MTHFD2L: variants seen among roughly 807,000 people sequenced by gnomAD.
The protein encoded by MTHFD2L is methylenetetrahydrofolate dehydrogenase (NADP+ dependent) 2 like.
In MTHFD2L, 29 loss-of-function variants were observed where a neutral mutation model predicts 34.9. That is an observed-to-expected ratio of 0.83 (90% CI 0.62 to 1.13). The LOEUF (loss-of-function observed/expected upper bound fraction) is 1.13. Ranked by LOEUF, MTHFD2L falls within the 50% of genes most tolerant of loss-of-function variation. MTHFD2L has a pLI of 0.00. For missense variants in MTHFD2L, 481 were observed against 446.5 expected (o/e 1.08, Z -0.70); for synonymous variants, 167 against 155.7 (o/e 1.07, Z -0.54).
intron 1 of MTHFD2L, among the ~76,000 whole-genome samples, chr4:74,153,109 A>C (rs1385655439): frequency 6.6e-6 from 1 of 152,112 alleles, no homozygotes; most frequent in African/African-American, 2.4e-5. Context: ...TTATCTTATG[A>C]ATGGGCTTCT....
intron 6 of MTHFD2L, among the ~76,000 whole-genome samples, chr4:74,230,205 A>G (rs1273558601): frequency 3.3e-5 from 5 of 152,228 alleles, no homozygotes; most frequent in Non-Finnish European, 7.3e-5. Flanking sequence ...CTAAAGCAAT[A>G]AAAAGTGAAA....
chr4:74,268,076 G>A, intron 6 of MTHFD2L: 2 of 985,010 alleles, frequency 2.0e-6, no homozygotes, highest in Non-Finnish European at 2.4e-6. Context: ...AAAAGAAAAA[G>A]AACAGGAAAT....
chr4:74,196,945 CA>C (rs571646612), intron 3 of MTHFD2L, among the ~76,000 whole-genome samples: 2,168 of 59,390 alleles, frequency 0.037, 9 homozygotes, highest in South Asian at 0.094. Context: ...GACTCTGTCT[CA>C]AAAAAAAAAA....
intron 6 of MTHFD2L, among the ~76,000 whole-genome samples, chr4:74,239,490 T>A (rs1246581): frequency 0.93 from 140,110 of 149,982 alleles, 65,751 homozygotes; most frequent in Non-Finnish European, 0.98. Flanking sequence ...AGTATAATTT[T>A]AAAAAAAAAA....
chr4:74,264,513 A>T (rs541886706), intron 6 of MTHFD2L, among the ~76,000 whole-genome samples: 6 of 151,844 alleles, frequency 4.0e-5, no homozygotes, highest in Non-Finnish European at 7.4e-5. Flanking sequence ...TATATATTAT[A>T]TTTCATGGAT....
At chr4:74,219,601 T>C (rs1309317977) in intron 5 of MTHFD2L, among the ~76,000 whole-genome samples, 1 of 152,074 alleles carries the variant, frequency 6.6e-6, no homozygotes, top group Non-Finnish European at 1.5e-5. Flanking sequence ...ATGAGTTAAA[T>C]AAGAATAGGT....
At chr4:74,237,101 T>G (rs1351626411) in intron 6 of MTHFD2L, among the ~76,000 whole-genome samples, 1 of 152,026 alleles carries the variant, frequency 6.6e-6, no homozygotes, top group Admixed American at 6.6e-5. Context: ...AATCATATTG[T>G]GAAGTATAAC....
chr4:74,242,543 C>T (rs1560523424), intron 6 of MTHFD2L, among the ~76,000 whole-genome samples: 1 of 152,104 alleles, frequency 6.6e-6, no homozygotes, highest in Non-Finnish European at 1.5e-5. Flanking sequence ...AAAGTTGAGG[C>T]TTAAAGTGAA....
chr4:74,278,717 C>T (rs767562990), intron 6 of MTHFD2L, among the ~76,000 whole-genome samples: 1 of 151,964 alleles, frequency 6.6e-6, no homozygotes, highest in African/African-American at 2.4e-5. Context: ...ATGGCCATGA[C>T]GTGGTTCCAA....
At chr4:74,212,115 G>T (rs1030449638) in intron 5 of MTHFD2L, among the ~76,000 whole-genome samples, 21 of 151,496 alleles carry the variant, frequency 1.4e-4, no homozygotes, top group Admixed American at 1.2e-3. Flanking sequence ...AATTTATTTT[G>T]TTAATCTTAA....
At chr4:74,204,096 T>C (rs1734909218) in intron 5 of MTHFD2L, among the ~76,000 whole-genome samples, 1 of 152,140 alleles carries the variant, frequency 6.6e-6, no homozygotes, top group Admixed American at 6.6e-5. Flanking sequence ...TCTAAGGCCA[T>C]GCAAGGAAAC....
At chr4:74,237,212 G>A (rs549886908) in intron 6 of MTHFD2L, among the ~76,000 whole-genome samples, 1 of 152,276 alleles carries the variant, frequency 6.6e-6, no homozygotes, top group South Asian at 2.1e-4. Flanking sequence ...GGACAGCACT[G>A]GAGTGAAATC....
At position 74,302,298 on chromosome 4, in the gene MTHFD2L, T is replaced by A. The variant is rs1750416886; in HGVS notation, c.*489T>A. 6.6e-6 allele frequency: 1 copy of A among 152,108 alleles called. No individual in the cohort carries two copies. Among genetic ancestry groups the A allele is most frequent in the African/African-American group, 2.4e-5 (1 of 41,438 alleles). 9.4% of individuals were successfully genotyped at this position (152,108 alleles called of 1,614,324 possible). A position where few individuals can be genotyped will look rare whatever the true frequency, so the allele number is the denominator to read the frequency against. ...AAAAATATTGAAATATTGAAAATAT[T>A]GAAAATATTATTATTGAAAATAAAA... On this transcript the variant is annotated 3_prime_UTR_variant, in exon 8 of 8. Transcript: ENST00000325278.
intron 7 of MTHFD2L, among the ~76,000 whole-genome samples, chr4:74,284,480 T>C (rs1437375906): frequency 3.9e-5 from 6 of 152,146 alleles, no homozygotes; most frequent in Non-Finnish European, 8.8e-5. Flanking sequence ...AATGTCTTCT[T>C]TTGAGAAGTG....
chr4:74,232,159 A>G (rs951216139), intron 6 of MTHFD2L, among the ~76,000 whole-genome samples: 5 of 152,220 alleles, frequency 3.3e-5, no homozygotes, highest in African/African-American at 1.2e-4. Context: ...ATCAGAGTAG[A>G]GTAGTTCTTA....
chr4:74,222,618 C>A (rs1738404542), intron 5 of MTHFD2L, among the ~76,000 whole-genome samples: 1 of 152,078 alleles, frequency 6.6e-6, no homozygotes, highest in Non-Finnish European at 1.5e-5. Context: ...CCCCAATCCT[C>A]ACACTTTTTT....
At chr4:74,196,101 C>T (rs948366780) in intron 3 of MTHFD2L, among the ~76,000 whole-genome samples, 3 of 151,976 alleles carry the variant, frequency 2.0e-5, no homozygotes, top group African/African-American at 7.3e-5. Flanking sequence ...TCCTAAAAGG[C>T]TCACATTCAT....
chr4:74,197,093 A>G (rs1245072557), intron 3 of MTHFD2L, among the ~76,000 whole-genome samples: 1 of 152,148 alleles, frequency 6.6e-6, no homozygotes, highest in Non-Finnish European at 1.5e-5. Flanking sequence ...TGATTTAATG[A>G]CTTCTCATAA....
intron 7 of MTHFD2L, among the ~76,000 whole-genome samples, chr4:74,281,844 CT>C (rs1399318910): frequency 6.6e-6 from 1 of 151,950 alleles, no homozygotes; most frequent in Non-Finnish European, 1.5e-5. Flanking sequence ...TAGAATACAG[CT>C]GGCCTTTTAT....
Sources: gnomAD v4.1 joint callset for allele counts (sites outside exome capture counted in the v4.1 genomes callset) on GRCh38, gnomAD v4.1.1 for gene constraint, MANE v1.5 for transcripts, NCBI Gene and HGNC (gene_info 2026-07-23, HGNC 2026-07-21) for gene names.